TLK2: variants seen among roughly 807,000 people sequenced by gnomAD.
The protein encoded by TLK2 is serine/threonine-protein kinase tousled-like 2.
TLK2 carries 6 observed loss-of-function variants against 117.3 expected under a neutral mutation model. The observed-to-expected ratio is 0.05, with a 90% confidence interval of 0.03 to 0.10. The LOEUF (loss-of-function observed/expected upper bound fraction) is 0.10. Among genes scored for constraint, TLK2 ranks in the 10% least tolerant of loss-of-function variants. The pLI is 1.00. For synonymous variants in TLK2, 257 were observed against 316.7 expected (o/e 0.81, Z 2.00); for missense variants, 299 against 901.2 (o/e 0.33, Z 8.56).
chr17:62,472,729 C>G (rs1292439943), intron 1 of TLK2, among the ~76,000 whole-genome samples: 2 of 150,546 alleles, frequency 1.3e-5, no homozygotes, highest in Non-Finnish European at 3.0e-5. Flanking sequence ...CGGAGCAAGA[C>G]CCCGTCTCAA....
In TLK2 at chr17:62,481,192, G is replaced by A. The variant is rs760380556; in HGVS notation, c.67G>A (p.Val23Ile). 5 of 1,613,914 alleles carry A rather than the reference G, an allele frequency of 3.1e-6. No individual in the cohort carries two copies. The East Asian group carries it at 8.9e-5, about 29-fold the overall frequency. ...ATTATTGGAGGCCAGGTTTACTGGA[G>A]TAGGTGTTAGTAAGGTGAGTAAAAT... is the stretch of plus-strand genomic sequence containing the variant. ...QELLEARFTG[V>I]GVSKGPLNSE... Residue 23 changes from valine to isoleucine, a missense_variant, in exon 2 of 22, where the codon GTA (valine) becomes ATA (isoleucine). By Grantham distance (29) the Val-to-Ile change is conservative (BLOSUM62 3). This residue lies in a region of TLK2 where 105 missense variants were observed against 218.4 expected (regional missense o/e 0.48). Coordinates refer to ENST00000346027, the MANE Select transcript of TLK2 (RefSeq NM_006852.6).
chr17:62,557,421 T>C (rs2078941492), intron 9 of TLK2, among the ~76,000 whole-genome samples: 1 of 152,194 alleles, frequency 6.6e-6, no homozygotes, highest in South Asian at 2.1e-4. Flanking sequence ...GTTTTCAAGC[T>C]GATTTTCTGT....
At chr17:62,502,907 C>G (rs1294130341) in intron 2 of TLK2, among the ~76,000 whole-genome samples, 1 of 152,082 alleles carries the variant, frequency 6.6e-6, no homozygotes, top group African/African-American at 2.4e-5. Flanking sequence ...ATAAGCATGT[C>G]TTTATAAACA....
chr17:62,530,273 GAAACAAACAAAC>G (rs140690874), intron 6 of TLK2, among the ~76,000 whole-genome samples: 6 of 151,680 alleles, frequency 4.0e-5, no homozygotes, highest in South Asian at 2.1e-4. Context: ...GACTGTCTCA[GAAACAAACAAAC>G]AAACAAACAA....
At position 62,552,364 on chromosome 17, in the gene TLK2, A is replaced by G; in HGVS notation, c.594A>G (p.Gln198=). The change falls in exon 8 of 22, where the codon CAA becomes CAG. Residue 198 remains glutamine (Q), a synonymous_variant. Coordinates refer to ENST00000346027, the MANE Select transcript of TLK2 (RefSeq NM_006852.6). ...SGNTEHSCSS[Q]KQISIQHRQT... ...ACACAGAGCATTCCTGCAGCTCCCA[A>G]AAACAGATCTCCATCCAGCACAGAC... 6.2e-7 allele frequency: 1 copy of G among 1,613,946 alleles called. No individual in the cohort carries two copies. The highest frequency in any genetic ancestry group is 8.5e-7 in the Non-Finnish European group (1 of 1,179,938).
At chr17:62,516,641 G>A (rs1389534874) in intron 2 of TLK2, 16 of 1,609,972 alleles carry the variant, frequency 9.9e-6, no homozygotes, top group Admixed American at 1.7e-5. Context: ...ATGACATGAA[G>A]GTTGGGCACA....
Position 62,596,594 on chromosome 17 carries a change from T to C in TLK2, c.1470T>C (p.Cys490=), listed in dbSNP as rs2082497400. 1 of 1,613,938 alleles carries C rather than the reference T, an allele frequency of 6.2e-7. No individual in the cohort carries two copies. Among genetic ancestry groups the C allele is most frequent in the Non-Finnish European group, 8.5e-7 (1 of 1,179,926 alleles). The change falls in exon 17 of 22, where the codon TGT becomes TGC. Residue 490 remains cysteine (C), a synonymous_variant. Transcript: ENST00000346027. ...EKKENYHKHA[C]REYRIHKELD... ...TCCCTTTTGTTTACAGGCATGCATGTAGGGAATACCGGATTCATAAAGAGC... is the reference window on the plus strand; with the variant it reads ...TCCCTTTTGTTTACAGGCATGCATGCAGGGAATACCGGATTCATAAAGAGC...
intron 6 of TLK2, among the ~76,000 whole-genome samples, chr17:62,534,241 A>G (rs1172975892): frequency 6.6e-6 from 1 of 152,232 alleles, no homozygotes; most frequent in Non-Finnish European, 1.5e-5. Context: ...GAGAACCTAG[A>G]TGACCACTAT....
At chr17:62,497,479 T>C (rs1414390575) in intron 2 of TLK2, among the ~76,000 whole-genome samples, 1 of 152,202 alleles carries the variant, frequency 6.6e-6, no homozygotes, top group Non-Finnish European at 1.5e-5. Flanking sequence ...ATTCCCAACC[T>C]TTTACTGTTA....
At chr17:62,585,399 G>T (rs1343657997) in intron 15 of TLK2, among the ~76,000 whole-genome samples, 1 of 152,184 alleles carries the variant, frequency 6.6e-6, no homozygotes, top group Non-Finnish European at 1.5e-5. Context: ...TTAGCCGGGC[G>T]TGATGGTGCG....
chr17:62,563,627 G>T (rs988552993), intron 10 of TLK2, among the ~76,000 whole-genome samples: 1 of 152,080 alleles, frequency 6.6e-6, no homozygotes, highest in African/African-American at 2.4e-5. Context: ...ATCTCTCACA[G>T]TACTTTATTC....
intron 2 of TLK2, among the ~76,000 whole-genome samples, chr17:62,485,445 T>C (rs1413755145): frequency 6.6e-6 from 1 of 152,234 alleles, no homozygotes; most frequent in Non-Finnish European, 1.5e-5. Flanking sequence ...CTATTACTTA[T>C]ATTTAAGTTG....
intron 7 of TLK2, among the ~76,000 whole-genome samples, chr17:62,536,960 G>A (rs1243978746): frequency 2.0e-5 from 3 of 152,208 alleles, no homozygotes; most frequent in Non-Finnish European, 4.4e-5. Context: ...GGCGCTATGA[G>A]TGCAATTTGA....
At chr17:62,547,968 G>C (rs568197476) in intron 7 of TLK2, among the ~76,000 whole-genome samples, 152 of 152,188 alleles carry the variant, frequency 1.0e-3, no homozygotes, top group South Asian at 2.1e-4. Context: ...TTCTCTGTTG[G>C]TATCTGATTG....
At chr17:62,559,729 A>G (rs916076490) in intron 9 of TLK2, among the ~76,000 whole-genome samples, 1 of 152,152 alleles carries the variant, frequency 6.6e-6, no homozygotes, top group Non-Finnish European at 1.5e-5. Context: ...TTGTGATTAC[A>G]AGAGTAGCTG....
At chr17:62,605,257 G>A (rs1466153824) in intron 19 of TLK2, among the ~76,000 whole-genome samples, 2 of 152,156 alleles carry the variant, frequency 1.3e-5, no homozygotes, top group African/African-American at 4.8e-5. Context: ...AACCTGGGAG[G>A]CAGAGGTTGC....
chr17:62,568,078 G>A (rs1395808330), intron 11 of TLK2, among the ~76,000 whole-genome samples: 1 of 152,078 alleles, frequency 6.6e-6, no homozygotes, highest in Non-Finnish European at 1.5e-5. Flanking sequence ...AACAGTCCAT[G>A]GCAAGGCAAT....
intron 2 of TLK2, among the ~76,000 whole-genome samples, chr17:62,493,193 C>G (rs763376166): frequency 1.3e-5 from 2 of 152,204 alleles, no homozygotes; most frequent in Non-Finnish European, 2.9e-5. Flanking sequence ...TTTGACTACT[C>G]TAGGTACTAA....
rs187009121 is a variant in TLK2, at chr17:62,498,155, G to T, written c.81+16949G>T. Reference sequence around the variant, plus strand: ...GTGTGTAAAATAGGTTTAAATGAGGGCTTACATTAAATTCTGCAAGTACTA... The same window carrying T: ...GTGTGTAAAATAGGTTTAAATGAGGTCTTACATTAAATTCTGCAAGTACTA... On this transcript the variant is annotated intron_variant, in intron 2 of 21. Transcript: ENST00000346027. Among the ~76,000 whole-genome samples the T allele has an allele frequency of 2.5e-3, 382 of 152,246 alleles. 1 individual carries two copies. Among genetic ancestry groups the T allele is most frequent in the African/African-American group, 8.4e-3 (351 of 41,542 alleles).
Sources: gnomAD v4.1 joint callset for allele counts (sites outside exome capture counted in the v4.1 genomes callset) on GRCh38, gnomAD v4.1.1 for gene constraint, gnomAD v4.1.1 regional missense constraint, MANE v1.5 for transcripts, NCBI Gene and HGNC (gene_info 2026-07-23, HGNC 2026-07-21) for gene names.